The following FUT8 variants were observed in gnomAD, a reference collection of about 807,000 sequenced individuals.
FUT8 encodes the protein alpha-(1,6)-fucosyltransferase.
A neutral mutation model predicts 71.3 loss-of-function variants in FUT8; 29 were observed. The observed-to-expected ratio is 0.41, with a 90% confidence interval of 0.30 to 0.55. The LOEUF is 0.55. Among genes scored for constraint, FUT8 ranks in the 20% least tolerant of loss-of-function variants. The pLI is 0.34. For synonymous variants in FUT8, 254 were observed against 239.3 expected, an observed-to-expected ratio of 1.06 and a Z score of -0.57; for missense variants, 544 against 702.1, an observed-to-expected ratio of 0.77 and a Z score of 2.55.
At chr14:65,610,212 C>T (rs1594813881) in intron 3 of FUT8, among the ~76,000 whole-genome samples, 1 of 151,796 alleles carries the variant, frequency 6.6e-6, no homozygotes, top group East Asian at 1.9e-4. Context: ...GGTCTACTGG[C>T]TAGAATTTCC....
chr14:65,382,494 C>T, the FUT8 span, among the ~76,000 whole-genome samples: 1 of 152,128 alleles, frequency 6.6e-6, no homozygotes, highest in Non-Finnish European at 1.5e-5. Context: ...CACCACCAGG[C>T]CTCGCTAATT....
intron 3 of FUT8, among the ~76,000 whole-genome samples, chr14:65,611,275 ACACACACACACACACACACACACACAC>A (rs1566851415): frequency 7.1e-4 from 40 of 56,620 alleles, no homozygotes; most frequent in African/African-American, 1.5e-3. Context: ...ACACACACAC[ACACACACACACACACACACACACACAC>A]CCCCCAAGTA....
the FUT8 span, among the ~76,000 whole-genome samples, chr14:65,360,825 A>C: frequency 6.6e-6 from 1 of 152,206 alleles, no homozygotes; most frequent in Non-Finnish European, 1.5e-5. Context: ...GAAATGGGGA[A>C]GCACTGAAGT....
intron 1 of FUT8, among the ~76,000 whole-genome samples, chr14:65,442,733 C>T (rs889908951): frequency 3.3e-5 from 5 of 149,606 alleles, no homozygotes; most frequent in South Asian, 2.1e-4. Flanking sequence ...CTACTTGGGA[C>T]GCTGAGATGA....
chr14:65,466,208 G>A (rs1399916890), intron 2 of FUT8, among the ~76,000 whole-genome samples: 1 of 152,050 alleles, frequency 6.6e-6, no homozygotes, highest in Non-Finnish European at 1.5e-5. Context: ...ATATAGTAGG[G>A]TCTTGTCGTT....
intron 6 of FUT8, among the ~76,000 whole-genome samples, chr14:65,631,448 A>G (rs975659819): frequency 8.6e-5 from 13 of 151,412 alleles, no homozygotes; most frequent in Non-Finnish European, 1.0e-4. Context: ...CTATATGCTG[A>G]TTTTTGTGGT....
chr14:65,475,820 A>T (rs1191721841), intron 2 of FUT8, among the ~76,000 whole-genome samples: 1 of 151,922 alleles, frequency 6.6e-6, no homozygotes, highest in African/African-American at 2.4e-5. Context: ...TTCTAGGCAT[A>T]TTTGGGGCTG....
chr14:65,404,540 A>G, the FUT8 span, among the ~76,000 whole-genome samples: 14 of 151,378 alleles, frequency 9.2e-5, no homozygotes, highest in African/African-American at 3.4e-4. Context: ...CAGTGGCGCA[A>G]TCTCAGCTCA....
At chr14:65,371,108 G>A in the FUT8 span, among the ~76,000 whole-genome samples, 1 of 152,186 alleles carries the variant, frequency 6.6e-6, no homozygotes, top group Non-Finnish European at 1.5e-5. Context: ...GGGAGTGTGG[G>A]AGGGGTGGGC....
intron 6 of FUT8, among the ~76,000 whole-genome samples, chr14:65,633,303 A>T (rs1402654142): frequency 6.6e-6 from 1 of 152,140 alleles, no homozygotes; most frequent in Non-Finnish European, 1.5e-5. Context: ...TTGCAGACGG[A>T]GTCTCGTTCA....
At chr14:65,462,464 C>A (rs577755626) in intron 2 of FUT8, among the ~76,000 whole-genome samples, 2 of 152,282 alleles carry the variant, frequency 1.3e-5, no homozygotes, top group South Asian at 4.1e-4. Context: ...GGTTCCCCTT[C>A]CCCCTTCATT....
the FUT8 span, among the ~76,000 whole-genome samples, chr14:65,397,762 TATTA>T: frequency 6.6e-6 from 1 of 152,264 alleles, no homozygotes; most frequent in Non-Finnish European, 1.5e-5. The surrounding 1 kb of genome is among the most constrained non-coding windows in gnomAD (Gnocchi z 4.2). Flanking sequence ...TCCTTGTTTT[TATTA>T]ATTCTTCTTA....
intron 1 of FUT8, among the ~76,000 whole-genome samples, chr14:65,446,678 CTTT>C (rs11378151): frequency 7.4e-6 from 1 of 134,262 alleles, no homozygotes; most frequent in Non-Finnish European, 1.6e-5. Flanking sequence ...TGTTTTAGGG[CTTT>C]TTTTTTTTTT....
intron 2 of FUT8, among the ~76,000 whole-genome samples, chr14:65,509,514 T>C (rs1282600596): frequency 1.3e-5 from 2 of 152,168 alleles, no homozygotes; most frequent in Non-Finnish European, 2.9e-5. Flanking sequence ...TTGGGTAGTA[T>C]GGACGTTTTA....
At chr14:65,631,802 G>A (rs1321477470) in intron 6 of FUT8, among the ~76,000 whole-genome samples, 1 of 151,998 alleles carries the variant, frequency 6.6e-6, no homozygotes, top group East Asian at 1.9e-4. Flanking sequence ...CCCATCACCT[G>A]AGCAGTATAC....
At chr14:65,565,699 C>A (rs1355084521) in intron 3 of FUT8, among the ~76,000 whole-genome samples, 3 of 151,810 alleles carry the variant, frequency 2.0e-5, no homozygotes, top group African/African-American at 7.3e-5. Flanking sequence ...TTATTTTAGT[C>A]ATTGTAACAG....
At chr14:65,480,156 A>T (rs2066307725) in intron 2 of FUT8, among the ~76,000 whole-genome samples, 2 of 152,034 alleles carry the variant, frequency 1.3e-5, no homozygotes, top group African/African-American at 4.8e-5. Context: ...AGTGCCTCAT[A>T]GTATCTGGCC....
chr14:65,421,742 C>CCA (rs1555359432), intron 1 of FUT8, among the ~76,000 whole-genome samples: 1 of 57,198 alleles, frequency 1.7e-5, no homozygotes, highest in Admixed American at 2.4e-4. Context: ...TTAACCCACC[C>CCA]CCCCCTTTTT....
chr14:65,680,494 T>C (rs750614830), intron 7 of FUT8, among the ~76,000 whole-genome samples: 3 of 152,210 alleles, frequency 2.0e-5, no homozygotes, highest in Non-Finnish European at 2.9e-5. Context: ...CTAAAATCAA[T>C]CAGTAATATA....
Sources: allele counts gnomAD v4.1 joint callset (sites outside exome capture counted in the v4.1 genomes callset), GRCh38; gene constraint gnomAD v4.1.1; non-coding constraint Gnocchi (gnomAD v3.1); transcripts MANE v1.5; gene names NCBI Gene and HGNC (gene_info 2026-07-23, HGNC 2026-07-21).